Variants in TIMD4 observed in about 807,000 individuals in gnomAD.
The protein encoded by TIMD4 is T-cell immunoglobulin and mucin domain-containing protein 4.
Under a neutral mutation model 41.2 loss-of-function variants are expected in TIMD4, and 31 were observed. That is an observed-to-expected ratio of 0.75 (90% CI 0.57 to 1.01). TIMD4 has a LOEUF of 1.01. Ranked by LOEUF, TIMD4 falls within the 50% of genes least tolerant of loss-of-function variation. The pLI, the probability that TIMD4 is intolerant of heterozygous loss-of-function variation, is 0.00. For missense variants in TIMD4, 479 were observed against 472.5 expected (o/e 1.01, Z -0.13); for synonymous variants, 204 against 177.1 (o/e 1.15, Z -1.21).
At chr5:156,921,346 C>T (rs1759233986) in intron 7 of TIMD4, among the ~76,000 whole-genome samples, 1 of 151,982 alleles carries the variant, frequency 6.6e-6, no homozygotes, top group Admixed American at 6.6e-5. Flanking sequence ...TCACGCCAGG[C>T]ATGGTGGCTC....
In TIMD4 at chr5:156,919,437, T is replaced by A. The variant is rs762518574; in HGVS notation, c.*20A>T. On this transcript the variant is annotated 3_prime_UTR_variant, in exon 9 of 9. Coordinates refer to ENST00000274532, the MANE Select transcript of TIMD4 (RefSeq NM_138379.3). ...TGGAGTGTCATGCCCCCATCCTCAA[T>A]CTAACATGCTACTGCGTTGTTAGAG... is the stretch of plus-strand genomic sequence containing the variant. 2.5e-5 allele frequency: 41 copies of A among 1,610,252 alleles called. No homozygotes were observed. The highest frequency in any genetic ancestry group is 3.3e-5 in the Non-Finnish European group (39 of 1,176,686).
chr5:156,927,015 T>C (rs1364454423), intron 5 of TIMD4, among the ~76,000 whole-genome samples: 1 of 152,198 alleles, frequency 6.6e-6, no homozygotes, highest in African/African-American at 2.4e-5. Context: ...GCATGGCCCC[T>C]ACCCTCAAGA....
intron 5 of TIMD4, among the ~76,000 whole-genome samples, chr5:156,928,485 G>A (rs1036741737): frequency 6.6e-6 from 1 of 152,048 alleles, no homozygotes; most frequent in Non-Finnish European, 1.5e-5. Flanking sequence ...ACATCCAGGA[G>A]GGATGTAAAG....
At chr5:156,926,488 A>G (rs910520932) in intron 5 of TIMD4, among the ~76,000 whole-genome samples, 176 bp from the exon 6 acceptor site, 1 of 152,222 alleles carries the variant, frequency 6.6e-6, no homozygotes, top group African/African-American at 2.4e-5. Context: ...GTTTTAATGT[A>G]AATTTTATCT....
intron 5 of TIMD4, among the ~76,000 whole-genome samples, chr5:156,932,341 C>A (rs943185893): frequency 6.6e-6 from 1 of 152,146 alleles, no homozygotes; most frequent in Non-Finnish European, 1.5e-5. Flanking sequence ...CCTGAAGCAG[C>A]GTCAAAGCGA....
intron 5 of TIMD4, among the ~76,000 whole-genome samples, chr5:156,936,679 G>A (rs1759545123): frequency 6.6e-6 from 1 of 152,086 alleles, no homozygotes; most frequent in Non-Finnish European, 1.5e-5. Flanking sequence ...CAGTTTGGGA[G>A]GCCGAGGTGG....
rs539339188 is a variant in TIMD4 at position 156,958,000 on chromosome 5, G to A, written c.59-3244C>T. 2.9e-3 allele frequency among the ~76,000 whole-genome samples: 441 copies of A among 152,226 alleles called. 1 individual carries two copies. The highest frequency in any genetic ancestry group is 0.01 in the African/African-American group (421 of 41,540). Reference sequence around the variant, plus strand: ...TAAATAAGAAAAGATCTGGCCGGGCGCGGTGGCTCACACCTGTAATCCCAG... The same window carrying A: ...TAAATAAGAAAAGATCTGGCCGGGCACGGTGGCTCACACCTGTAATCCCAG... On this transcript the variant is annotated intron_variant, in intron 1 of 8. Transcript: ENST00000274532.
At chr5:156,947,203 A>AT (rs1221971757) in intron 5 of TIMD4, among the ~76,000 whole-genome samples, 1 of 151,996 alleles carries the variant, frequency 6.6e-6, no homozygotes, top group Non-Finnish European at 1.5e-5. Flanking sequence ...GTCTCAAAAA[A>AT]AAAATAAAAT....
chr5:156,923,918 G>T (rs1190566960), intron 6 of TIMD4, among the ~76,000 whole-genome samples: 2 of 151,576 alleles, frequency 1.3e-5, no homozygotes, highest in African/African-American at 4.9e-5. Flanking sequence ...GCTCACTGCA[G>T]CCTCAACCTC....
intron 1 of TIMD4, 46 bp downstream of exon 1, chr5:156,963,095 G>T (rs1265107006): frequency 6.3e-7 from 1 of 1,592,860 alleles, no homozygotes; most frequent in Admixed American, 1.7e-5. Context: ...TCACACAATA[G>T]CAAGTCCTCT....
intron 8 of TIMD4, 45 bp from the exon 9 acceptor site, chr5:156,919,586 G>A (rs771467918): frequency 1.0e-5 from 16 of 1,524,114 alleles, no homozygotes; most frequent in Non-Finnish European, 1.5e-5. Context: ...CACAAGACTA[G>A]AAAACAAAAC....
At chr5:156,937,030 T>A (rs577944840) in intron 5 of TIMD4, among the ~76,000 whole-genome samples, 2 of 151,916 alleles carry the variant, frequency 1.3e-5, no homozygotes, top group Admixed American at 1.3e-4. Flanking sequence ...TTATTATCGA[T>A]GATTATTATT....
chr5:156,938,814 C>G (rs1759586295), intron 5 of TIMD4, among the ~76,000 whole-genome samples: 1 of 152,192 alleles, frequency 6.6e-6, no homozygotes, highest in Non-Finnish European at 1.5e-5. Flanking sequence ...TTCATGGTGA[C>G]CCTGCTGCAG....
chr5:156,935,934 A>G (rs1416068141), intron 5 of TIMD4, among the ~76,000 whole-genome samples: 4 of 152,188 alleles, frequency 2.6e-5, no homozygotes, highest in African/African-American at 9.7e-5. Flanking sequence ...TGCCCACATT[A>G]GCTGATCAAT....
intron 5 of TIMD4, among the ~76,000 whole-genome samples, chr5:156,940,427 A>C (rs1195426199): frequency 6.7e-6 from 1 of 149,574 alleles, no homozygotes; most frequent in Non-Finnish European, 1.5e-5. Context: ...ATCGTCTGGG[A>C]TGTGAGGAGC....
chr5:156,944,566 G>A (rs1034057433), intron 5 of TIMD4, among the ~76,000 whole-genome samples: 29 of 141,604 alleles, frequency 2.0e-4, no homozygotes, highest in African/African-American at 3.7e-4. Flanking sequence ...GTACAGTGGC[G>A]CGATCTCGGC....
chr5:156,949,882 A>G, intron 3 of TIMD4, 151 bp from the exon 4 acceptor site: 1 of 570,364 alleles, frequency 1.8e-6, no homozygotes, highest in Non-Finnish European at 3.3e-6. Flanking sequence ...CAGTGGCACA[A>G]TCTCTGCTCA....
chr5:156,927,872 G>A (rs1759376529), intron 5 of TIMD4, among the ~76,000 whole-genome samples: 1 of 152,052 alleles, frequency 6.6e-6, no homozygotes, highest in Non-Finnish European at 1.5e-5. Context: ...AGTGACCGTG[G>A]GGCACATGCA....
intron 5 of TIMD4, among the ~76,000 whole-genome samples, chr5:156,940,787 C>T (rs908243867): frequency 2.0e-5 from 3 of 152,182 alleles, no homozygotes; most frequent in East Asian, 3.9e-4. Flanking sequence ...GGGGCACCCC[C>T]GCCCGGCAGC....
Sources: gnomAD v4.1 joint callset for allele counts (sites outside exome capture counted in the v4.1 genomes callset) on GRCh38, gnomAD v4.1.1 for gene constraint, MANE v1.5 for transcripts, NCBI Gene and HGNC (gene_info 2026-07-23, HGNC 2026-07-21) for gene names.